Variants in USP51 observed in about 807,000 individuals in gnomAD.
The protein encoded by USP51 is ubiquitin specific peptidase 51, also known as ubiquitin carboxyl-terminal hydrolase 51.
A neutral mutation model predicts 17.6 loss-of-function variants in USP51; 5 were observed. The observed-to-expected ratio is 0.28, with a 90% confidence interval of 0.15 to 0.60. The LOEUF (loss-of-function observed/expected upper bound fraction) is 0.60. USP51 is among the 20% of genes least tolerant of loss of function. The pLI, the probability that USP51 is intolerant of heterozygous loss-of-function variation, is 0.88. For missense variants in USP51, 459 were observed against 559.5 expected, an observed-to-expected ratio of 0.82 and a Z score of 1.81; for synonymous variants, 248 against 216.1, an observed-to-expected ratio of 1.15 and a Z score of -1.29.
At position 55,487,189 on chromosome X, in the gene USP51, G is replaced by A. The variant is rs1447442986; in HGVS notation, c.1751C>T (p.Thr584Ile). 8.3e-7 allele frequency: 1 copy of A among 1,210,096 alleles called. No individual in the cohort carries two copies. Among genetic ancestry groups the A allele is most frequent in the Non-Finnish European group, 1.1e-6 (1 of 895,307 alleles). The change falls in exon 3 of 3, where the codon ACA (threonine) becomes ATA (isoleucine). Residue 584 changes from threonine to isoleucine, a missense_variant. By Grantham distance (89) the Thr-to-Ile change is moderately conservative. Coordinates refer to ENST00000500968, the MANE Select transcript of USP51 (RefSeq NM_201286.4). ...QSYQESTKQL[T>I]MKKLPIVACF... ...AGCCACAATGGGTAATTTTTTCATT[G>A]TGAGCTGTTTAGTAGACTCCTGGTA...
chrX:55,487,264 G>A lies in USP51; in HGVS notation c.1676C>T (p.Pro559Leu), dbSNP rs1321451153. Residue 559 changes from proline to leucine, a missense_variant, in exon 3 of 3, where the codon CCA becomes CTA. By Grantham distance (98) the Pro-to-Leu change is moderately conservative (BLOSUM62 -3). Around this residue, in one of 2 missense-constraint regions of USP51, gnomAD observed 227 missense variants for 365.5 expected, o/e 0.62. Coordinates refer to ENST00000500968, the MANE Select transcript of USP51 (RefSeq NM_201286.4). ...TTTGGCACTGCTTCCTAGGTGCTCT[G>A]GCCTTGTAAACCACTGTAGACAGTC... Reference protein sequence around the residue: ...LTDCLQWFTRPEHLGSSAKIK... With the variant: ...LTDCLQWFTRLEHLGSSAKIK... 1 of 1,209,708 alleles carries A rather than the reference G, an allele frequency of 8.3e-7. No individual in the cohort carries two copies. The highest frequency in any genetic ancestry group is 3.0e-5 in the East Asian group (1 of 33,776).
rs1215077195 is a variant in USP51, at chrX:55,487,915, T to G, written c.1025A>C (p.Glu342Ala). 8.4e-7 allele frequency: 1 copy of G among 1,187,406 alleles called. No individual in the cohort carries two copies. Among genetic ancestry groups the G allele is most frequent in the African/African-American group, 1.8e-5 (1 of 56,285 alleles). ...KQSTCETKEQ[E>A]PKLVKPKKKR... Reference sequence around the variant, plus strand: ...TTTCTTGGGTTTCACCAATTTTGGCTCCTGTTCCTTTGTCTCACAGGTTGA... The same window carrying G: ...TTTCTTGGGTTTCACCAATTTTGGCGCCTGTTCCTTTGTCTCACAGGTTGA... Residue 342 changes from glutamate (E) to alanine (A), a missense_variant, in exon 3 of 3, where the codon GAG (glutamate) becomes GCG (alanine). Coordinates refer to ENST00000500968, the MANE Select transcript of USP51 (RefSeq NM_201286.4).
rs2031325809 is a variant in USP51, at chrX:55,486,837, C to T, written c.2103G>A (p.Leu701=). The change falls in exon 3 of 3, where the codon CTG becomes CTA. Residue 701 remains leucine (L), a synonymous_variant. Coordinates refer to ENST00000500968, the MANE Select transcript of USP51 (RefSeq NM_201286.4). ...EDLLYSEGYL[L]FYHKQGLEKD ...TCTCTAGACCCTGTTTGTGATAGAACAGTAAATACCCTTCACTGTAGAGTA... is the reference window on the plus strand; with the variant it reads ...TCTCTAGACCCTGTTTGTGATAGAATAGTAAATACCCTTCACTGTAGAGTA... 8.3e-7 allele frequency: 1 copy of T among 1,204,790 alleles called. No individual in the cohort carries two copies. Among genetic ancestry groups the T allele is most frequent in the Non-Finnish European group, 1.1e-6 (1 of 891,721 alleles).
At position 55,488,414 on chromosome X, in the gene USP51, G is replaced by C. The variant is rs1180372479; in HGVS notation, c.526C>G (p.Pro176Ala). The C allele has an allele frequency of 1.9e-5, 23 of 1,209,784 alleles. No individual in the cohort carries two copies. Among genetic ancestry groups the C allele is most frequent in the Non-Finnish European group, 2.6e-5 (23 of 894,888 alleles). The change falls in exon 3 of 3, where the codon CCT becomes GCT. Residue 176 changes from proline (P) to alanine (A), a missense_variant. Physicochemically the swap from Pro to Ala is conservative, Grantham distance 27. Around this residue, in one of 2 missense-constraint regions of USP51, gnomAD observed 232 missense variants for 194.0 expected, o/e 1.20. Coordinates refer to ENST00000500968, the MANE Select transcript of USP51 (RefSeq NM_201286.4). ...AGCAACCAGTCCCCTAAGCCGCCAG[G>C]ATCCCCCGACCCGTCTAGGTCACCA... Reference protein sequence around the residue: ...CSGDLDGSGDPGGLGDWLLEV... With the variant: ...CSGDLDGSGDAGGLGDWLLEV...
At position 55,486,145 on chromosome X, in the gene USP51, T is replaced by A. The variant is rs948132718; in HGVS notation, c.*659A>T. On this transcript the variant is annotated 3_prime_UTR_variant, in exon 3 of 3. Transcript: ENST00000500968. Reference sequence around the variant, plus strand: ...ATTTTTAACCTTGTTCCTTAATTTATTTTACATTTTTAAACTTTAAGAATT... The same window carrying A: ...ATTTTTAACCTTGTTCCTTAATTTAATTTACATTTTTAAACTTTAAGAATT... 2.4e-4 allele frequency: 27 copies of A among 111,470 alleles called. No homozygotes were observed. Among genetic ancestry groups the A allele is most frequent in the Non-Finnish European group, 4.5e-4 (24 of 53,034 alleles). The allele number at this position is 111,470 out of a possible 1,213,427, so 9.2% of individuals were successfully genotyped here.
At position 55,488,838 on chromosome X, in the gene USP51, C is replaced by T. The variant is rs752557908; in HGVS notation, c.102G>A (p.Ala34=). ...CCGCCGCCGCCTCCTCCATTTTCCC[C>T]GCCTTCTCAACCGCCTCCTCAGGAG... is the stretch of plus-strand genomic sequence containing the variant. ...GASPEEAVEK[A]GKMEEAAAGA... Residue 34 remains alanine (A), a synonymous_variant, in exon 3 of 3, where the codon GCG becomes GCA. Coordinates refer to ENST00000500968, the MANE Select transcript of USP51 (RefSeq NM_201286.4). The T allele has an allele frequency of 2.5e-6, 3 of 1,211,620 alleles. No homozygotes were observed. The highest frequency in any genetic ancestry group is 4.3e-5 in the Admixed American group (2 of 46,110).
Position 55,488,516 on chromosome X carries a change from G to C in USP51, c.424C>G (p.Pro142Ala), listed in dbSNP as rs1392335318. 1 of 1,127,244 alleles carries C rather than the reference G, an allele frequency of 8.9e-7. No homozygotes were observed. The highest frequency in any genetic ancestry group is 1.2e-6 in the Non-Finnish European group (1 of 855,805). 92.9% of individuals were successfully genotyped at this position (1,127,244 alleles called of 1,213,427 possible). ...GATCCACGCCAGGCCCTGGGCCGCG[G>C]TGCGGGTGGGGGCGGGGGTGGCGGC... Reference protein sequence around the residue: ...PPPPPPPPPAPRPRAWRGSRR... With the variant: ...PPPPPPPPPAARPRAWRGSRR... The change falls in exon 3 of 3, where the codon CCG becomes GCG. Residue 142 changes from proline to alanine, a missense_variant. By Grantham distance (27) the Pro-to-Ala change is conservative. This residue lies in a region of USP51 where 232 missense variants were observed against 194.0 expected (regional missense o/e 1.20). Coordinates refer to ENST00000500968, the MANE Select transcript of USP51 (RefSeq NM_201286.4).
chrX:55,489,249 C>A lies in USP51; in HGVS notation c.-130G>T. The A allele has an allele frequency of 3.6e-6, 1 of 278,901 alleles. No homozygotes were observed. Among genetic ancestry groups the A allele is most frequent in the East Asian group, 6.2e-5 (1 of 16,066 alleles). 23.0% of individuals were successfully genotyped at this position (278,901 alleles called of 1,213,427 possible). A position where few individuals can be genotyped will look rare whatever the true frequency, so the allele number is the denominator to read the frequency against. ...CGGTGGGGGTGGGGAACGGCCTGAG[C>A]TTTAGGACAGAAAGGATGGAAACTT... is the stretch of plus-strand genomic sequence containing the variant. On this transcript the variant is annotated 5_prime_UTR_variant, in exon 2 of 3. Coordinates refer to ENST00000500968, the MANE Select transcript of USP51 (RefSeq NM_201286.4).
chrX:55,488,926 C>G lies in USP51; in HGVS notation c.14G>C (p.Arg5Pro), dbSNP rs748720013. MAQV[R>P]ETSLPSGSGV... is the part of the protein sequence containing the mutation. The stretch of plus-strand genomic sequence containing the variant: ...AGAGCCGGAGGGCAAAGAAGTTTCT[C>G]GAACCTGGGCCATCAGATCACTCCC... The change falls in exon 3 of 3, where the codon CGA becomes CCA. Residue 5 changes from arginine to proline, a missense_variant. Physicochemically the swap from Arg to Pro is moderately radical, Grantham distance 103. Coordinates refer to ENST00000500968, the MANE Select transcript of USP51 (RefSeq NM_201286.4). 14 of 1,204,711 alleles carry G rather than the reference C, an allele frequency of 1.2e-5. No homozygotes were observed. The South Asian group carries it at 2.2e-4, about 19-fold the overall frequency.
In USP51 at chrX:55,488,802, C is replaced by T. The variant is rs2031375041; in HGVS notation, c.138G>A (p.Lys46=). 16 of 1,210,995 alleles carry T rather than the reference C, an allele frequency of 1.3e-5. No homozygotes were observed. Among genetic ancestry groups the T allele is most frequent in the Non-Finnish European group, 1.8e-5 (16 of 895,458 alleles). ...CCTCGGCTTCACGTCTCGAAGACGC[C>T]TTCGTAGCCCCCGCCGCCGCCTCCT... The part of the protein sequence containing the change: ...KMEEAAAGAT[K]ASSRREAEEM... Residue 46 remains lysine (K), a synonymous_variant, in exon 3 of 3, where the codon AAG becomes AAA. Coordinates refer to ENST00000500968, the MANE Select transcript of USP51 (RefSeq NM_201286.4).
Position 55,484,783 on chromosome X carries a change from G to A in USP51, c.*2021C>T, listed in dbSNP as rs188712683. ...AAGTACTTTGGAGGCACAGTGAGAGGAATAAAGAGGGGAAGAGAGGAACAA... is the reference window on the plus strand; with the variant it reads ...AAGTACTTTGGAGGCACAGTGAGAGAAATAAAGAGGGGAAGAGAGGAACAA... On this transcript the variant is annotated 3_prime_UTR_variant, in exon 3 of 3. Transcript: ENST00000500968. 5.4e-5 allele frequency: 6 copies of A among 111,682 alleles called. No individual in the cohort carries two copies. In the East Asian group the frequency reaches 1.7e-3, roughly 32 times the overall value. The allele number at this position is 111,682 out of a possible 1,213,427, so 9.2% of individuals were successfully genotyped here.
At chrX:55,489,414 C>T (rs1198141336) in intron 1 of USP51, among the ~76,000 whole-genome samples, 49 bp from the exon 2 acceptor site, 2 of 112,806 alleles carry the variant, frequency 1.8e-5, no homozygotes, top group African/African-American at 6.4e-5. Context: ...GCTGAAAGGA[C>T]GCACTTTTGG....
At position 55,489,301 on chromosome X, in the gene USP51, T is replaced by A. The variant is rs1382171469; in HGVS notation, c.-182A>T. On this transcript the variant is annotated 5_prime_UTR_variant, in exon 2 of 3. Coordinates refer to ENST00000500968, the MANE Select transcript of USP51 (RefSeq NM_201286.4). ...TTTAAAAAAGGCGCCACCCTCTGAC[T>A]GCTTTTTTGCGCCCTGCGCAGCCTC... The A allele has an allele frequency of 1.7e-5, 3 of 176,784 alleles. No individual in the cohort carries two copies. The East Asian group carries it at 3.8e-4, about 22-fold the overall frequency. 14.6% of individuals were successfully genotyped at this position (176,784 alleles called of 1,213,427 possible). A position where few individuals can be genotyped will look rare whatever the true frequency, so the allele number is the denominator to read the frequency against.
At chrX:55,489,470 C>T (rs2031392123) in intron 1 of USP51, among the ~76,000 whole-genome samples, 105 bp from the exon 2 acceptor site, 1 of 112,551 alleles carries the variant, frequency 8.9e-6, no homozygotes, top group Non-Finnish European at 1.9e-5. Context: ...TCTACCTAAC[C>T]TATACTTCTG....
chrX:55,487,436 G>A lies in USP51; in HGVS notation c.1504C>T (p.His502Tyr). 1.7e-6 allele frequency: 2 copies of A among 1,211,954 alleles called. No homozygotes were observed. The highest frequency in any genetic ancestry group is 3.0e-5 in the East Asian group (1 of 33,861). Residue 502 changes from histidine (H) to tyrosine (Y), a missense_variant, in exon 3 of 3, where the codon CAT becomes TAT. Transcript: ENST00000500968. ...LQSDVTCQAC[H>Y]SVSTTIDPCW... ...GGGTCTATGGTGGTAGAAACACTAT[G>A]GCAGGCTTGACATGTGACATCTGAT...
chrX:55,488,165 T>A lies in USP51; in HGVS notation c.775A>T (p.Thr259Ser). The change falls in exon 3 of 3, where the codon ACT becomes TCT. Residue 259 changes from threonine (T) to serine (S), a missense_variant. Thr to Ser is a moderately conservative substitution (Grantham distance 58). Coordinates refer to ENST00000500968, the MANE Select transcript of USP51 (RefSeq NM_201286.4). ...GCATGTTTGTGAATATGTTTCTCAG[T>A]GAAGCAGCCAAAAAAGACACAGGAG... ...CLSCVFFGCF[T>S]EKHIHKHAET... 1.7e-6 allele frequency: 2 copies of A among 1,211,837 alleles called. No homozygotes were observed. The highest frequency in any genetic ancestry group is 2.2e-6 in the Non-Finnish European group (2 of 895,530).
Position 55,488,652 on chromosome X carries a change from C to A in USP51, c.288G>T (p.Ser96=). ...SIPLRCHSSS[S]PVCPRRKPRP... ...GGGGCTTGCGGCGCGGGCAAACGGG[C>A]GAGGAGCTGCTGTGACAGCGAAGGG... Residue 96 remains serine, a synonymous_variant, in exon 3 of 3, where the codon TCG becomes TCT. Coordinates refer to ENST00000500968, the MANE Select transcript of USP51 (RefSeq NM_201286.4). The A allele has an allele frequency of 8.4e-7, 1 of 1,185,652 alleles. No individual in the cohort carries two copies. Among genetic ancestry groups the A allele is most frequent in the Non-Finnish European group, 1.1e-6 (1 of 888,136 alleles).
Position 55,488,878 on chromosome X carries a change from C to A in USP51, c.62G>T (p.Gly21Val), listed in dbSNP as rs763276690. 1 of 1,210,198 alleles carries A rather than the reference C, an allele frequency of 8.3e-7. No individual in the cohort carries two copies. Among genetic ancestry groups the A allele is most frequent in the Admixed American group, 2.2e-5 (1 of 46,044 alleles). ...SGSGVRWISG[G>V]GGGASPEEAV... ...CTCCTCAGGAGAGGCTCCTCCCCCA[C>A]CTCCGGAGATCCAGCGGACCCCAGA... The change falls in exon 3 of 3, where the codon GGT becomes GTT. Residue 21 changes from glycine to valine, a missense_variant. Physicochemically the swap from Gly to Val is moderately radical, Grantham distance 109. Transcript: ENST00000500968.
Position 55,488,381 on chromosome X carries a change from CG to C in USP51, c.558del (p.Glu187SerfsTer17). 8.3e-7 allele frequency: 1 copy of C among 1,211,314 alleles called. No individual in the cohort carries two copies. The highest frequency in any genetic ancestry group is 1.8e-5 in the South Asian group (1 of 56,811). ...CAGCCTGTGGGACCCTGACCAAACTCGACCTCCAGCAACCAGTCCCCTAAGC... is the reference window on the plus strand; with the variant it reads ...CAGCCTGTGGGACCCTGACCAAACTCACCTCCAGCAACCAGTCCCCTAAGC... ...PGGLGDWLLE[V>X]EFGQGPTGCS... On this transcript the variant is annotated frameshift_variant, in exon 3 of 3. Coordinates refer to ENST00000500968, the MANE Select transcript of USP51 (RefSeq NM_201286.4). LOFTEE classifies it low-confidence loss of function (END_TRUNC).
Sources: gnomAD v4.1 joint callset for allele counts (sites outside exome capture counted in the v4.1 genomes callset) on GRCh38, gnomAD v4.1.1 for gene constraint, gnomAD v4.1.1 regional missense constraint, MANE v1.5 for transcripts, NCBI Gene and HGNC (gene_info 2026-07-23, HGNC 2026-07-21) for gene names.